Variants in AGBL1 observed in about 807,000 individuals in gnomAD.
The protein encoded by AGBL1 is cytosolic carboxypeptidase 4.
In AGBL1, 130 loss-of-function variants were observed where a neutral mutation model predicts 118.9. The ratio of observed to expected loss-of-function variants is 1.09; its 90% CI spans 0.95 to 1.26. The LOEUF is 1.26. Ranked by LOEUF, AGBL1 falls within the 50% of genes most tolerant of loss-of-function variation. The probability of loss-of-function intolerance (pLI) is 0.00; values close to 1 mark genes in which losing one functional copy is unlikely to be tolerated. For synonymous variants in AGBL1, 555 were observed against 478.9 expected, an observed-to-expected ratio of 1.16 and a Z score of -2.08; for missense variants, 1,584 against 1,298.1, an observed-to-expected ratio of 1.22 and a Z score of -3.38.
chr15:86,782,495 G>A (rs896127181), intron 22 of AGBL1, among the ~76,000 whole-genome samples: 1 of 152,164 alleles, frequency 6.6e-6, no homozygotes, highest in South Asian at 2.1e-4. Context: ...CTTATTTGAG[G>A]AATTGGAAGC....
intron 22 of AGBL1, among the ~76,000 whole-genome samples, chr15:86,803,049 T>G (rs1458697874): frequency 3.9e-5 from 6 of 152,118 alleles, no homozygotes; most frequent in Non-Finnish European, 8.8e-5. Flanking sequence ...GTATTTACCT[T>G]GTTGGAAACA....
At chr15:86,486,159 T>C (rs2082709984) in intron 18 of AGBL1, among the ~76,000 whole-genome samples, 2 of 152,100 alleles carry the variant, frequency 1.3e-5, no homozygotes, top group Admixed American at 1.3e-4. Flanking sequence ...AAAATAACGA[T>C]CAAGTATGCA....
At chr15:86,711,955 C>T (rs1268028088) in intron 22 of AGBL1, among the ~76,000 whole-genome samples, 1 of 152,146 alleles carries the variant, frequency 6.6e-6, no homozygotes, top group African/African-American at 2.4e-5. Flanking sequence ...GCTCTCTTAA[C>T]AGCCTTTGCA....
At chr15:86,177,649 A>C (rs1485413651) in intron 5 of AGBL1, among the ~76,000 whole-genome samples, 2 of 152,246 alleles carry the variant, frequency 1.3e-5, no homozygotes, top group Non-Finnish European at 2.9e-5. Flanking sequence ...TTTCTGTAAG[A>C]GTCCCCAAAA....
chr15:86,973,260 A>G (rs1020589811), intron 23 of AGBL1, among the ~76,000 whole-genome samples: 4 of 152,090 alleles, frequency 2.6e-5, no homozygotes, highest in Non-Finnish European at 4.4e-5. Context: ...GAGCATGGTG[A>G]CATGTGAACA....
intron 17 of AGBL1, among the ~76,000 whole-genome samples, chr15:86,329,988 G>T (rs1294819134): frequency 6.6e-6 from 1 of 152,238 alleles, no homozygotes; most frequent in East Asian, 1.9e-4. Context: ...AGCCTAGGAG[G>T]TTTTCCAGAT....
intron 17 of AGBL1, among the ~76,000 whole-genome samples, chr15:86,341,645 C>T (rs1408875311): frequency 6.6e-6 from 1 of 152,102 alleles, no homozygotes; most frequent in East Asian, 1.9e-4. Context: ...ATGCCCTTTC[C>T]TCATGTGTAT....
At chr15:86,179,104 C>T (rs964726570) in intron 5 of AGBL1, among the ~76,000 whole-genome samples, 9 of 152,246 alleles carry the variant, frequency 5.9e-5, no homozygotes, top group South Asian at 2.1e-4. Context: ...TCAGCATTCC[C>T]TCCCAAGATG....
chr15:86,219,970 T>A (rs1225890642), intron 5 of AGBL1, among the ~76,000 whole-genome samples: 1 of 145,922 alleles, frequency 6.9e-6, no homozygotes, highest in African/African-American at 2.6e-5. Flanking sequence ...TTTTTTTTTT[T>A]AGATGGAGTT....
chr15:86,819,676 A>G (rs1338421596), intron 22 of AGBL1, among the ~76,000 whole-genome samples: 1 of 152,190 alleles, frequency 6.6e-6, no homozygotes, highest in African/African-American at 2.4e-5. Flanking sequence ...TTCCATGCTC[A>G]TGGAGAGGCA....
intron 18 of AGBL1, among the ~76,000 whole-genome samples, chr15:86,459,462 C>G (rs542886078): frequency 6.6e-6 from 1 of 152,136 alleles, no homozygotes; most frequent in Admixed American, 6.5e-5. Context: ...GTGATTAAAT[C>G]TTTATTCAAT....
intron 18 of AGBL1, among the ~76,000 whole-genome samples, chr15:86,477,858 G>C (rs1014255316): frequency 6.6e-6 from 1 of 152,100 alleles, no homozygotes; most frequent in Non-Finnish European, 1.5e-5. Flanking sequence ...ACCAAATCCA[G>C]CAGCACATCA....
intron 21 of AGBL1, among the ~76,000 whole-genome samples, chr15:86,561,966 G>A (rs1394054523): frequency 2.0e-5 from 3 of 152,000 alleles, no homozygotes; most frequent in Admixed American, 6.6e-5. Flanking sequence ...GTCTGTTATT[G>A]GTGTATAAGA....
At chr15:86,837,445 T>C (rs2079185198) in intron 22 of AGBL1, among the ~76,000 whole-genome samples, 1 of 152,206 alleles carries the variant, frequency 6.6e-6, no homozygotes, top group Non-Finnish European at 1.5e-5. Context: ...TATAAATACA[T>C]TTTAATGGGA....
At chr15:86,570,554 C>T (rs1239655717) in intron 21 of AGBL1, among the ~76,000 whole-genome samples, 8 of 152,120 alleles carry the variant, frequency 5.3e-5, no homozygotes, top group Non-Finnish European at 1.0e-4. Context: ...TATGGGTGTT[C>T]CCCGAACTGT....
intron 5 of AGBL1, among the ~76,000 whole-genome samples, chr15:86,198,456 G>C (rs539906308): frequency 6.6e-6 from 1 of 152,304 alleles, no homozygotes; most frequent in Non-Finnish European, 1.5e-5. Flanking sequence ...TACTTTGCAA[G>C]AGAGAAAGAT....
intron 22 of AGBL1, among the ~76,000 whole-genome samples, chr15:86,829,934 C>T (rs912412196): frequency 5.9e-5 from 9 of 152,160 alleles, no homozygotes; most frequent in African/African-American, 2.2e-4. Flanking sequence ...ACTTTTATTG[C>T]AATAGCCAAG....
At chr15:86,547,419 G>A (rs920962176) in intron 20 of AGBL1, among the ~76,000 whole-genome samples, 2 of 152,038 alleles carry the variant, frequency 1.3e-5, no homozygotes, top group Admixed American at 6.6e-5. Context: ...CACAGGAAAA[G>A]GTATAAGACA....
At chr15:86,254,885 T>A (rs182679162) in intron 7 of AGBL1, among the ~76,000 whole-genome samples, 1 of 152,302 alleles carries the variant, frequency 6.6e-6, no homozygotes, top group East Asian at 1.9e-4. Flanking sequence ...TTCATAAGTA[T>A]TTCCCCTACA....
Sources: gnomAD v4.1 joint callset for allele counts (sites outside exome capture counted in the v4.1 genomes callset) on GRCh38, gnomAD v4.1.1 for gene constraint, MANE v1.5 for transcripts, NCBI Gene and HGNC (gene_info 2026-07-23, HGNC 2026-07-21) for gene names.